PLEKHM3: variants seen among roughly 807,000 people sequenced by gnomAD.
The protein encoded by PLEKHM3 is pleckstrin homology domain containing M3, also known as pleckstrin homology domain-containing family M member 3.
PLEKHM3 carries 45 observed loss-of-function variants against 81.8 expected under a neutral mutation model. The ratio of observed to expected loss-of-function variants is 0.55; its 90% CI spans 0.43 to 0.71. The LOEUF is 0.71. Ranked by LOEUF, PLEKHM3 falls within the 30% of genes least tolerant of loss-of-function variation. The pLI is 0.00. For synonymous variants in PLEKHM3, 352 were observed against 356.4 expected, an observed-to-expected ratio of 0.99 and a Z score of 0.14; for missense variants, 788 against 924.3, an observed-to-expected ratio of 0.85 and a Z score of 1.91.
At chr2:208,011,990 GT>G in intron 1 of PLEKHM3, among the ~76,000 whole-genome samples, 1 of 151,006 alleles carries the variant, frequency 6.6e-6, no homozygotes, top group Non-Finnish European at 1.5e-5. Flanking sequence ...TAGAGATGGG[GT>G]TTCATCATAT....
chr2:207,912,082 C>T (rs1222567537), intron 5 of PLEKHM3, among the ~76,000 whole-genome samples: 1 of 152,178 alleles, frequency 6.6e-6, no homozygotes, highest in Non-Finnish European at 1.5e-5. Flanking sequence ...AGGCATCGTG[C>T]TACGTGCTGG....
intron 7 of PLEKHM3, among the ~76,000 whole-genome samples, chr2:207,835,306 A>G (rs538417961): frequency 1.2e-4 from 18 of 152,272 alleles, no homozygotes; most frequent in African/African-American, 4.3e-4. Context: ...CTTACTACAG[A>G]GAGTAGACCT....
intron 2 of PLEKHM3, among the ~76,000 whole-genome samples, chr2:207,997,618 GC>G (rs778744482): frequency 4.6e-5 from 7 of 152,182 alleles, no homozygotes; most frequent in Admixed American, 3.9e-4. Context: ...CTTCTGAGGA[GC>G]CCCCAGCCTC....
intron 5 of PLEKHM3, among the ~76,000 whole-genome samples, chr2:207,916,415 C>T (rs1386325218): frequency 6.6e-6 from 1 of 152,138 alleles, no homozygotes; most frequent in African/African-American, 2.4e-5. Flanking sequence ...ACTTCCCCCG[C>T]AATGAGTTTT....
In PLEKHM3 at chr2:208,001,436, C is replaced by T. The variant is rs932977172; in HGVS notation, c.204G>A (p.Lys68=). The part of the protein sequence containing the change: ...GAMRNVTSLG[K]GGMIWDHCKS... ...TACAGTGGTCCCAAATCATGCCCCC[C>T]TTGCCCAGGGAGGTGACATTTCTCA... is the stretch of plus-strand genomic sequence containing the variant. The change falls in exon 2 of 8, where the codon AAG becomes AAA. Residue 68 remains lysine (K), a synonymous_variant. Coordinates refer to ENST00000427836, the MANE Select transcript of PLEKHM3 (RefSeq NM_001080475.3). 8 of 1,614,160 alleles carry T rather than the reference C, an allele frequency of 5.0e-6. No individual in the cohort carries two copies. Among genetic ancestry groups the T allele is most frequent in the Non-Finnish European group, 6.8e-6 (8 of 1,180,004 alleles).
Position 207,824,699 on chromosome 2 carries a change from C to G in PLEKHM3, c.*3620G>C, listed in dbSNP as rs1380619275. On this transcript the variant is annotated 3_prime_UTR_variant, in exon 8 of 8. Transcript: ENST00000427836. ...CCGATGTCCACGTTCAGTGTGTACA[C>G]ACAACACACAGAGACAAAAACAGAG... 1 of 152,286 alleles carries G rather than the reference C, an allele frequency of 6.6e-6. No individual in the cohort carries two copies. Among genetic ancestry groups the G allele is most frequent in the Non-Finnish European group, 1.5e-5 (1 of 68,082 alleles). The allele number at this position is 152,286 out of a possible 1,614,324, so 9.4% of individuals were successfully genotyped here. A position where few individuals can be genotyped will look rare whatever the true frequency, so the allele number is the denominator to read the frequency against.
chr2:207,930,854 A>G, intron 5 of PLEKHM3, 72 bp downstream of exon 5: 2 of 1,541,384 alleles, frequency 1.3e-6, no homozygotes, highest in Non-Finnish European at 1.8e-6. Flanking sequence ...GGCCCTTTGG[A>G]GATAATCTCA....
chr2:207,909,048 C>A (rs866592620), intron 5 of PLEKHM3, among the ~76,000 whole-genome samples: 2 of 152,158 alleles, frequency 1.3e-5, no homozygotes, highest in African/African-American at 4.8e-5. Flanking sequence ...ACTGGAGTGG[C>A]CACTCGTGTC....
chr2:207,942,223 A>G (rs1689964161), intron 4 of PLEKHM3, among the ~76,000 whole-genome samples: 1 of 152,256 alleles, frequency 6.6e-6, no homozygotes, highest in African/African-American at 2.4e-5. Context: ...TCAGCCATAA[A>G]AAAGAATGAA....
At chr2:207,957,889 T>C (rs1690573155) in intron 3 of PLEKHM3, among the ~76,000 whole-genome samples, 1 of 152,210 alleles carries the variant, frequency 6.6e-6, no homozygotes, top group African/African-American at 2.4e-5. Flanking sequence ...GGGATATTTG[T>C]AATGTCTGCA....
chr2:207,974,205 G>A (rs1022922768), intron 3 of PLEKHM3, among the ~76,000 whole-genome samples: 6 of 152,186 alleles, frequency 3.9e-5, no homozygotes, highest in Non-Finnish European at 7.3e-5. Flanking sequence ...ATAATAATAC[G>A]TTTCCTGTTC....
At chr2:207,928,537 A>C (rs1052148176) in intron 5 of PLEKHM3, among the ~76,000 whole-genome samples, 10 of 152,280 alleles carry the variant, frequency 6.6e-5, no homozygotes. Context: ...CACTGTTTTA[A>C]GCACTTCAGT....
intron 5 of PLEKHM3, among the ~76,000 whole-genome samples, chr2:207,929,431 G>A (rs915055122): frequency 2.0e-5 from 3 of 152,208 alleles, no homozygotes; most frequent in Non-Finnish European, 4.4e-5. Context: ...CCTATGTAGA[G>A]ATTTTAATAT....
rs1194480811 is a variant in PLEKHM3, at chr2:207,821,703, T to C, written c.*6616A>G. Reference sequence around the variant, plus strand: ...CATCACCACGTTCAATACTCTCCATTTGCAACCTAAGCATTTTCTCTCCTT... The same window carrying C: ...CATCACCACGTTCAATACTCTCCATCTGCAACCTAAGCATTTTCTCTCCTT... On this transcript the variant is annotated 3_prime_UTR_variant, in exon 8 of 8. Transcript: ENST00000427836. 2 of 152,160 alleles carry C rather than the reference T, an allele frequency of 1.3e-5. No individual in the cohort carries two copies. Among genetic ancestry groups the C allele is most frequent in the African/African-American group, 2.4e-5 (1 of 41,538 alleles). The allele number at this position is 152,160 out of a possible 1,614,324, so 9.4% of individuals were successfully genotyped here.
At chr2:207,982,710 C>T (rs955226716) in intron 2 of PLEKHM3, among the ~76,000 whole-genome samples, 1 of 151,678 alleles carries the variant, frequency 6.6e-6, no homozygotes, top group Admixed American at 6.6e-5. Context: ...TCCTGAGTAG[C>T]TGGGATTAGA....
intron 5 of PLEKHM3, among the ~76,000 whole-genome samples, chr2:207,915,690 C>T (rs1287522339): frequency 6.6e-5 from 10 of 152,118 alleles, no homozygotes; most frequent in Admixed American, 5.9e-4. Context: ...AATGATAGCA[C>T]AACACCAAAA....
chr2:207,923,880 C>CATATATATAT (rs1226187210), intron 5 of PLEKHM3, among the ~76,000 whole-genome samples: 2 of 56,770 alleles, frequency 3.5e-5, no homozygotes, highest in African/African-American at 7.1e-5. Context: ...CACACACACA[C>CATATATATAT]ATATATATAT....
At chr2:207,892,519 C>G (rs534897604) in intron 6 of PLEKHM3, among the ~76,000 whole-genome samples, 63 of 152,286 alleles carry the variant, frequency 4.1e-4, no homozygotes, top group African/African-American at 1.5e-3. Flanking sequence ...CTCAGAAAGA[C>G]TTCAACTTCT....
intron 6 of PLEKHM3, among the ~76,000 whole-genome samples, chr2:207,880,408 A>G: frequency 9.7e-6 from 1 of 103,604 alleles, no homozygotes; most frequent in Non-Finnish European, 2.1e-5. Context: ...CTCTGTCTAA[A>G]AGAAAAAAAA....
Sources: gnomAD v4.1 joint callset for allele counts (sites outside exome capture counted in the v4.1 genomes callset) on GRCh38, gnomAD v4.1.1 for gene constraint, MANE v1.5 for transcripts, NCBI Gene and HGNC (gene_info 2026-07-23, HGNC 2026-07-21) for gene names.